Variants in TMEM178B observed in about 807,000 individuals in gnomAD.
TMEM178B encodes the protein transmembrane protein 178B.
In TMEM178B, 5 loss-of-function variants were observed where a neutral mutation model predicts 31.0. That is an observed-to-expected ratio of 0.16 (90% CI 0.08 to 0.34). TMEM178B has a LOEUF of 0.34. Ranked by LOEUF, TMEM178B falls within the 10% of genes least tolerant of loss-of-function variation. The probability of loss-of-function intolerance (pLI) is 1.00; values close to 1 mark genes in which losing one functional copy is unlikely to be tolerated. For missense variants in TMEM178B, 275 were observed against 400.3 expected, an observed-to-expected ratio of 0.69 and a Z score of 2.67; for synonymous variants, 164 against 164.0, an observed-to-expected ratio of 1.00 and a Z score of 0.00.
chr7:141,510,685 CAAAAAAAAA>C, the TMEM178B span, among the ~76,000 whole-genome samples: 137 of 24,960 alleles, frequency 5.5e-3, no homozygotes, highest in African/African-American at 0.019. Context: ...AACTCCGTCT[CAAAAAAAAA>C]AAAAAAAAAA....
At chr7:141,153,265 T>A (rs1449898935) in intron 1 of TMEM178B, among the ~76,000 whole-genome samples, 1 of 152,222 alleles carries the variant, frequency 6.6e-6, no homozygotes, top group Non-Finnish European at 1.5e-5. Flanking sequence ...TGCAATATAT[T>A]TTGAACATTT....
chr7:141,219,239 C>T (rs1055946641), intron 2 of TMEM178B, among the ~76,000 whole-genome samples: 4 of 152,168 alleles, frequency 2.6e-5, no homozygotes, highest in Non-Finnish European at 5.9e-5. Context: ...AGGGTGAGGG[C>T]TCAGAATCCA....
At chr7:141,420,877 T>A (rs1446782870) in intron 2 of TMEM178B, among the ~76,000 whole-genome samples, 1 of 152,232 alleles carries the variant, frequency 6.6e-6, no homozygotes, top group Non-Finnish European at 1.5e-5. Flanking sequence ...ACTGCATACA[T>A]ACATGGCATT....
At chr7:141,276,922 G>A (rs1798276488) in intron 2 of TMEM178B, among the ~76,000 whole-genome samples, 1 of 152,110 alleles carries the variant, frequency 6.6e-6, no homozygotes, top group Non-Finnish European at 1.5e-5. Flanking sequence ...CATAGAAATA[G>A]TACAGTAAAA....
At chr7:141,131,654 G>A (rs1795597435) in intron 1 of TMEM178B, among the ~76,000 whole-genome samples, 1 of 152,150 alleles carries the variant, frequency 6.6e-6, no homozygotes, top group Admixed American at 6.5e-5. Flanking sequence ...TTGCTGAGTA[G>A]TATCCTCATA....
intron 2 of TMEM178B, among the ~76,000 whole-genome samples, chr7:141,281,880 G>A (rs1461125615): frequency 6.6e-6 from 1 of 152,176 alleles, no homozygotes; most frequent in Admixed American, 6.5e-5. Flanking sequence ...GAGTGGATTT[G>A]TGTATACCTG....
intron 2 of TMEM178B, among the ~76,000 whole-genome samples, chr7:141,248,334 C>G (rs1171134853): frequency 1.3e-5 from 2 of 152,168 alleles, no homozygotes; most frequent in Non-Finnish European, 2.9e-5. Context: ...TCGCTTGAAC[C>G]TGGGAGGCGG....
chr7:141,240,031 A>G (rs959517941), intron 2 of TMEM178B, among the ~76,000 whole-genome samples: 6 of 152,248 alleles, frequency 3.9e-5, no homozygotes, highest in East Asian at 1.9e-4. Context: ...TCAACATATA[A>G]TCAACATTGA....
At position 141,461,812 on chromosome 7, in the gene TMEM178B, G is replaced by A. The variant is rs1802064334; in HGVS notation, c.635-8724G>A. ...TCAGAGTGAGCTGAGCAGGGAGTTG[G>A]CTCCGTAACTCTGCATATCAACTCA... On this transcript the variant is annotated intron_variant, in intron 3 of 3. Coordinates refer to ENST00000565468, the MANE Select transcript of TMEM178B (RefSeq NM_001195278.2). The surrounding 1 kb of genome is among the most constrained non-coding windows in gnomAD (Gnocchi z 4.0). 6.6e-6 allele frequency among the ~76,000 whole-genome samples: 1 copy of A among 152,162 alleles called. No individual in the cohort carries two copies. The highest frequency in any genetic ancestry group is 1.5e-5 in the Non-Finnish European group (1 of 68,030).
At chr7:141,374,053 A>G (rs1800167202) in intron 2 of TMEM178B, among the ~76,000 whole-genome samples, 1 of 152,136 alleles carries the variant, frequency 6.6e-6, no homozygotes, top group African/African-American at 2.4e-5. Flanking sequence ...CTATGAAGAG[A>G]AAGCTTAGAT....
intron 2 of TMEM178B, among the ~76,000 whole-genome samples, chr7:141,321,559 C>T (rs1285458271): frequency 6.6e-6 from 1 of 152,172 alleles, no homozygotes; most frequent in Non-Finnish European, 1.5e-5. Flanking sequence ...TTCTCTTACC[C>T]TTGCCTGCCA....
chr7:141,391,537 C>T (rs963813602), intron 2 of TMEM178B, among the ~76,000 whole-genome samples: 1 of 152,154 alleles, frequency 6.6e-6, no homozygotes, highest in African/African-American at 2.4e-5. Context: ...GTTAAATATA[C>T]ATAAGATTTA....
intron 1 of TMEM178B, among the ~76,000 whole-genome samples, chr7:141,094,148 G>A (rs1038865668): frequency 3.9e-5 from 6 of 152,108 alleles, no homozygotes; most frequent in Admixed American, 6.6e-5. Context: ...AGCAACTGCT[G>A]GATAGGGTTG....
rs190555500 is a variant in TMEM178B, at chr7:141,455,059, C to T, written c.635-15477C>T. ...CTTTGGGCCCTCTTCTGACCACCAG[C>T]TTCCTCTGTCCACTGGTTTAGTCCC... On this transcript the variant is annotated intron_variant, in intron 3 of 3. Transcript: ENST00000565468. Among the ~76,000 whole-genome samples, 44 of 152,272 alleles carry T rather than the reference C, an allele frequency of 2.9e-4. 1 individual carries two copies. The highest frequency in any genetic ancestry group is 2.3e-3 in the Admixed American group (35 of 15,304).
At chr7:141,361,905 G>A (rs1485720562) in intron 2 of TMEM178B, among the ~76,000 whole-genome samples, 3 of 152,166 alleles carry the variant, frequency 2.0e-5, no homozygotes, top group Non-Finnish European at 4.4e-5. Flanking sequence ...CTTAGAATTT[G>A]CAAACCCTAC....
chr7:141,090,617 C>G (rs1357882046), intron 1 of TMEM178B, among the ~76,000 whole-genome samples: 1 of 152,152 alleles, frequency 6.6e-6, no homozygotes. Flanking sequence ...TCATGACTTT[C>G]AAAATGAGTG....
At chr7:141,266,818 C>A (rs1798101925) in intron 2 of TMEM178B, among the ~76,000 whole-genome samples, 1 of 152,176 alleles carries the variant, frequency 6.6e-6, no homozygotes, top group African/African-American at 2.4e-5. Context: ...ACATGGGAAA[C>A]TTATTTATTA....
At chr7:141,334,593 C>T (rs1478324432) in intron 2 of TMEM178B, among the ~76,000 whole-genome samples, 1 of 152,164 alleles carries the variant, frequency 6.6e-6, no homozygotes, top group Non-Finnish European at 1.5e-5. Context: ...GAAAAGCTGT[C>T]TGTATTTGAG....
At chr7:141,175,270 G>T (rs1796409321) in intron 1 of TMEM178B, among the ~76,000 whole-genome samples, 1 of 152,166 alleles carries the variant, frequency 6.6e-6, no homozygotes, top group African/African-American at 2.4e-5. Context: ...TCATGTGATT[G>T]TAGATGTGTG....
Sources: allele counts gnomAD v4.1 joint callset (sites outside exome capture counted in the v4.1 genomes callset), GRCh38; gene constraint gnomAD v4.1.1; non-coding constraint Gnocchi (gnomAD v3.1); transcripts MANE v1.5; gene names NCBI Gene and HGNC (gene_info 2026-07-23, HGNC 2026-07-21).